The following GPC5 variants were observed in gnomAD, a reference collection of about 807,000 sequenced individuals.
GPC5 encodes glypican-5.
In GPC5, 47 loss-of-function variants were observed where a neutral mutation model predicts 53.9. The observed-to-expected ratio is 0.87, with a 90% CI of 0.69 to 1.11. The LOEUF is 1.11. Among genes scored for constraint, GPC5 ranks in the 50% most tolerant of loss-of-function variants. The pLI, the probability that GPC5 is intolerant of heterozygous loss-of-function variation, is 0.00. For synonymous variants in GPC5, 286 were observed against 263.3 expected, an observed-to-expected ratio of 1.09 and a Z score of -0.84; for missense variants, 748 against 713.1, an observed-to-expected ratio of 1.05 and a Z score of -0.56.
intron 7 of GPC5, chr13:92,340,598 G>A (rs1013394085): frequency 1.5e-4 from 23 of 152,190 alleles, no homozygotes; most frequent in African/African-American, 4.8e-4. Flanking sequence ...AGTACTTTAA[G>A]AATTTTTACT....
intron 2 of GPC5, among the ~76,000 whole-genome samples, chr13:91,506,682 G>A (rs971008327): frequency 1.3e-5 from 2 of 151,824 alleles, no homozygotes; most frequent in Admixed American, 1.3e-4. Context: ...AGACTTAAAT[G>A]ACATAGAAAA....
chr13:92,663,240 C>T (rs1886410155), intron 7 of GPC5, among the ~76,000 whole-genome samples: 1 of 151,690 alleles, frequency 6.6e-6, no homozygotes, highest in Admixed American at 6.6e-5. Flanking sequence ...CTAGTTATAA[C>T]AAATAGTGTG....
chr13:92,430,839 A>G (rs1877052704), intron 7 of GPC5, among the ~76,000 whole-genome samples: 1 of 152,158 alleles, frequency 6.6e-6, no homozygotes, highest in Non-Finnish European at 1.5e-5. Flanking sequence ...AAGCTTGCAA[A>G]GAAAAATCAC....
Position 91,511,726 on chromosome 13 carries a change from T to C in GPC5, c.325+62804T>C, listed in dbSNP as rs74105027. On this transcript the variant is annotated intron_variant, in intron 2 of 7. Coordinates refer to ENST00000377067, the MANE Select transcript of GPC5 (RefSeq NM_004466.6). ...TTCCATATGGTTTTTTTTTCAACTC[T>C]TATAAAATTTCCCATCTCTTCATGC... is the stretch of plus-strand genomic sequence containing the variant. Among the ~76,000 whole-genome samples, 599 of 152,264 alleles carry C rather than the reference T, an allele frequency of 3.9e-3. 2 individuals are homozygous for C. Among genetic ancestry groups the C allele is most frequent in the African/African-American group, 0.014 (576 of 41,572 alleles).
intron 7 of GPC5, among the ~76,000 whole-genome samples, chr13:92,169,658 A>G (rs2042055450): frequency 6.6e-6 from 1 of 152,236 alleles, no homozygotes. Flanking sequence ...AACAAGGAAA[A>G]TTAAAACGTA....
intron 7 of GPC5, among the ~76,000 whole-genome samples, chr13:92,175,938 A>G (rs2042106257): frequency 6.6e-6 from 1 of 152,174 alleles, no homozygotes; most frequent in African/African-American, 2.4e-5. Flanking sequence ...CTCTGTTCCT[A>G]CTTTTTAGGT....
intron 7 of GPC5, among the ~76,000 whole-genome samples, chr13:92,301,051 G>A (rs1594083144): frequency 1.3e-5 from 2 of 152,278 alleles, no homozygotes; most frequent in African/African-American, 4.8e-5. Flanking sequence ...TAGCCTAGTA[G>A]CACATAGTAT....
At chr13:91,965,910 T>G (rs2040176443) in intron 6 of GPC5, among the ~76,000 whole-genome samples, 1 of 152,206 alleles carries the variant, frequency 6.6e-6, no homozygotes, top group Admixed American at 6.5e-5. Flanking sequence ...CTTAGAATAT[T>G]TGATTTAAAC....
At chr13:92,091,755 C>CA (rs995113716) in intron 6 of GPC5, among the ~76,000 whole-genome samples, 8 of 149,522 alleles carry the variant, frequency 5.4e-5, no homozygotes, top group African/African-American at 1.5e-4. Context: ...ATTTCACCCC[C>CA]CCACAGTGAA....
rs1456298494 is a variant in GPC5, at chr13:91,506,956, A to C, written c.325+58034A>C. Among the ~76,000 whole-genome samples the C allele has an allele frequency of 2.0e-5, 3 of 152,206 alleles. No homozygotes were observed. In the East Asian group the frequency reaches 5.8e-4, roughly 29 times the overall value. ...AAGAAATATAAATGAATAGCATTGA[A>C]AACATAAGTCCCAATGCCCCAAAGT... On this transcript the variant is annotated intron_variant, in intron 2 of 7. Coordinates refer to ENST00000377067, the MANE Select transcript of GPC5 (RefSeq NM_004466.6).
At chr13:91,405,361 C>T (rs1394037874) in intron 1 of GPC5, among the ~76,000 whole-genome samples, 2 of 152,154 alleles carry the variant, frequency 1.3e-5, no homozygotes, top group East Asian at 3.9e-4. Flanking sequence ...AAAAATGACT[C>T]CTGACTTTGC....
intron 7 of GPC5, among the ~76,000 whole-genome samples, chr13:92,390,230 T>C (rs1874932316): frequency 6.6e-6 from 1 of 152,180 alleles, no homozygotes; most frequent in Non-Finnish European, 1.5e-5. Context: ...CTGATGAAGA[T>C]AATGCTGCTA....
chr13:92,547,986 C>A (rs1048892387), intron 7 of GPC5, among the ~76,000 whole-genome samples: 69 of 142,090 alleles, frequency 4.9e-4, no homozygotes, highest in African/African-American at 1.7e-3. Context: ...CCCGCCACCA[C>A]GCCTGGCTAA....
chr13:92,329,611 T>C lies in GPC5; in HGVS notation c.1561+184622T>C, dbSNP rs140647715. Among the ~76,000 whole-genome samples the C allele has an allele frequency of 2.8e-4, 42 of 152,298 alleles. No homozygotes were observed. In the East Asian group the frequency reaches 7.9e-3, roughly 29 times the overall value. On this transcript the variant is annotated intron_variant, in intron 7 of 7. Coordinates refer to ENST00000377067, the MANE Select transcript of GPC5 (RefSeq NM_004466.6). ...GGTTATCTCAGTATCATCTTATTAG[T>C]TTCTGCTGCCACCATAAGACAAAAT...
chr13:92,632,085 C>T (rs1885257609), intron 7 of GPC5, among the ~76,000 whole-genome samples: 3 of 152,166 alleles, frequency 2.0e-5, no homozygotes, highest in African/African-American at 4.8e-5. Context: ...AAGGTAATAT[C>T]TGTTGCTGGA....
At chr13:91,951,081 T>G (rs1381964743) in intron 6 of GPC5, among the ~76,000 whole-genome samples, 1 of 152,192 alleles carries the variant, frequency 6.6e-6, no homozygotes, top group Non-Finnish European at 1.5e-5. Flanking sequence ...GTTTAAGAGC[T>G]CCTTGAGAGT....
intron 7 of GPC5, among the ~76,000 whole-genome samples, chr13:92,661,503 C>T (rs571316481): frequency 1.3e-5 from 2 of 152,052 alleles, no homozygotes; most frequent in South Asian, 4.2e-4. Flanking sequence ...TATTTTATGG[C>T]CTATTTTTTC....
chr13:92,071,988 A>G, intron 6 of GPC5, among the ~76,000 whole-genome samples: 1 of 146,210 alleles, frequency 6.8e-6, no homozygotes, highest in Non-Finnish European at 1.5e-5. Flanking sequence ...ATATGTATAT[A>G]TTATTTATAT....
At chr13:92,433,914 A>C (rs1163446742) in intron 7 of GPC5, among the ~76,000 whole-genome samples, 2 of 152,204 alleles carry the variant, frequency 1.3e-5, no homozygotes, top group East Asian at 3.9e-4. Flanking sequence ...TCAGTCAAGC[A>C]TACATTTGAA....
Sources: gnomAD v4.1 joint callset for allele counts (sites outside exome capture counted in the v4.1 genomes callset) on GRCh38, gnomAD v4.1.1 for gene constraint, MANE v1.5 for transcripts, NCBI Gene and HGNC (gene_info 2026-07-23, HGNC 2026-07-21) for gene names.